The following SAFB2 variants were observed in gnomAD, a reference collection of about 807,000 sequenced individuals.
SAFB2 encodes scaffold attachment factor B2.
A neutral mutation model predicts 100.6 loss-of-function variants in SAFB2; 32 were observed. That is an observed-to-expected ratio of 0.32 (90% confidence interval 0.24 to 0.43). The LOEUF (loss-of-function observed/expected upper bound fraction) is 0.43, where lower values mean the gene tolerates loss of function less well. SAFB2 is among the 20% of genes least tolerant of loss of function. The pLI is 1.00. For missense variants in SAFB2, 1,185 were observed against 1,163.4 expected, an observed-to-expected ratio of 1.02 and a Z score of -0.27; for synonymous variants, 500 against 439.4, an observed-to-expected ratio of 1.14 and a Z score of -1.72.
intron 11 of SAFB2, among the ~76,000 whole-genome samples, chr19:5,603,610 C>G (rs1381043309): frequency 6.6e-6 from 1 of 152,202 alleles, no homozygotes; most frequent in Non-Finnish European, 1.5e-5. Context: ...CCATGGTTCC[C>G]AACTACTACG....
intron 15 of SAFB2, chr19:5,593,661 C>G (rs932782833): frequency 8.8e-6 from 4 of 454,074 alleles, no homozygotes; most frequent in Non-Finnish European, 1.5e-5. Flanking sequence ...TCAAGTTTCC[C>G]AGAATAACTC....
intron 8 of SAFB2, chr19:5,610,373 T>A (rs2052882897): frequency 1.7e-6 from 1 of 585,394 alleles, no homozygotes; most frequent in Admixed American, 3.1e-5. Flanking sequence ...GTCTCTAAAA[T>A]CCTTGAAACA....
intron 2 of SAFB2, among the ~76,000 whole-genome samples, chr19:5,620,644 G>C (rs1232675842): frequency 6.6e-6 from 1 of 152,220 alleles, no homozygotes; most frequent in Non-Finnish European, 1.5e-5. Flanking sequence ...ACAGAACATG[G>C]ATTAGTAGTT....
chr19:5,588,845 G>A (rs931671675), intron 18 of SAFB2: 6 of 152,270 alleles, frequency 3.9e-5, no homozygotes, highest in South Asian at 2.1e-4. Flanking sequence ...CACGTGAAAC[G>A]GGAAGTGTGT....
intron 18 of SAFB2, among the ~76,000 whole-genome samples, chr19:5,589,389 A>C (rs1442044542): frequency 6.6e-6 from 1 of 152,062 alleles, no homozygotes; most frequent in Non-Finnish European, 1.5e-5. Flanking sequence ...GCACCGAGTC[A>C]AAGTCCCTGG....
intron 14 of SAFB2, among the ~76,000 whole-genome samples, chr19:5,594,705 A>T (rs1356803073): frequency 6.6e-6 from 1 of 152,144 alleles, no homozygotes; most frequent in Admixed American, 6.5e-5. Context: ...GTCCAACATC[A>T]GAGGAGGGGC....
intron 4 of SAFB2, among the ~76,000 whole-genome samples, chr19:5,615,828 C>T (rs1354989096): frequency 6.6e-6 from 1 of 152,216 alleles, no homozygotes; most frequent in Non-Finnish European, 1.5e-5. Flanking sequence ...AGTTCAAGAC[C>T]GGCCTGGGTA....
At position 5,595,460 on chromosome 19, in the gene SAFB2, T is replaced by G. The variant is rs768793262; in HGVS notation, c.1820A>C (p.Glu607Ala). Reference sequence around the variant, plus strand: ...ATCAAACGACAAGATGTCTCTCTTTTCTTTGCTTTCTGACTTGCGATCCTG... The same window carrying G: ...ATCAAACGACAAGATGTCTCTCTTTGCTTTGCTTTCTGACTTGCGATCCTG... Reference protein sequence around the residue: ...KSQDRKSESKEKRDILSFDKI... With the variant: ...KSQDRKSESKAKRDILSFDKI... The change falls in exon 14 of 21, where the codon GAA becomes GCA. Residue 607 changes from glutamate to alanine, a missense_variant. By Grantham distance (107) the Glu-to-Ala change is moderately radical. Coordinates refer to ENST00000252542, the MANE Select transcript of SAFB2 (RefSeq NM_014649.3). The G allele has an allele frequency of 6.2e-6, 10 of 1,613,864 alleles. No individual in the cohort carries two copies. Among genetic ancestry groups the G allele is most frequent in the Non-Finnish European group, 7.6e-6 (9 of 1,180,026 alleles).
intron 6 of SAFB2, chr19:5,612,058 C>T (rs1444774191): frequency 1.5e-5 from 5 of 341,108 alleles, no homozygotes; most frequent in South Asian, 2.7e-5. Context: ...TCTCTTCTGA[C>T]GGTGGGAGAT....
intron 13 of SAFB2, among the ~76,000 whole-genome samples, chr19:5,598,205 C>T (rs1320600231): frequency 6.6e-6 from 1 of 151,326 alleles, no homozygotes; most frequent in Non-Finnish European, 1.5e-5. Flanking sequence ...GTGAACTCCA[C>T]ATTCGTTAAA....
rs1216454734 is a variant in SAFB2 at position 5,616,470 on chromosome 19, C to A, written c.291G>T (p.Glu97Asp). 6.2e-7 allele frequency: 1 copy of A among 1,613,742 alleles called. No individual in the cohort carries two copies. Among genetic ancestry groups the A allele is most frequent in the African/African-American group, 1.3e-5 (1 of 74,872 alleles). ...CCAGGCCATTATCTTCTGTGCCTTC[C>A]TCCTCCATCTTCAGTCCTAATTACA... Reference protein sequence around the residue: ...KRCVKGLKMEEEGTEDNGLED... With the variant: ...KRCVKGLKMEDEGTEDNGLED... Residue 97 changes from glutamate (E) to aspartate (D), a missense_variant, in exon 3 of 21, where the codon GAG (glutamate) becomes GAT (aspartate). By Grantham distance (45) the Glu-to-Asp change is conservative (BLOSUM62 2). Transcript: ENST00000252542.
chr19:5,587,050 C>A lies in SAFB2; in HGVS notation c.*193G>T, dbSNP rs544872885. 9.3e-6 allele frequency: 7 copies of A among 754,256 alleles called. No individual in the cohort carries two copies. The South Asian group carries it at 1.1e-4, about 11-fold the overall frequency. The allele number at this position is 754,256 out of a possible 1,614,324, so 46.7% of individuals were successfully genotyped here. A position where few individuals can be genotyped will look rare whatever the true frequency, so the allele number is the denominator to read the frequency against. ...AAATGGAATGCCTCGTTAACAGAAACCTTGATTTAAAAATGGCAGAACAAG... is the reference window on the plus strand; with the variant it reads ...AAATGGAATGCCTCGTTAACAGAAAACTTGATTTAAAAATGGCAGAACAAG... On this transcript the variant is annotated 3_prime_UTR_variant, in exon 21 of 21. Transcript: ENST00000252542. The surrounding 1 kb of genome is among the most constrained non-coding windows in gnomAD (Gnocchi z 4.9).
chr19:5,594,057 G>A lies in SAFB2; in HGVS notation c.2041C>T (p.Arg681Cys), dbSNP rs1045575184. The A allele has an allele frequency of 6.3e-7, 1 of 1,587,186 alleles. No homozygotes were observed. Among genetic ancestry groups the A allele is most frequent in the Admixed American group, 1.7e-5 (1 of 57,334 alleles). Residue 681 changes from arginine to cysteine, a missense_variant, in exon 15 of 21, where the codon CGC becomes TGC. Around this residue, in one of 3 missense-constraint regions of SAFB2, gnomAD observed 740 missense variants for 687.1 expected, o/e 1.08. Coordinates refer to ENST00000252542, the MANE Select transcript of SAFB2 (RefSeq NM_014649.3). Reference sequence around the variant, plus strand: ...CGCTCCAGCCGCTCCCGCTCCATGCGCTCCCGCTCCAGCCGCTGGCGCTGG... The same window carrying A: ...CGCTCCAGCCGCTCCCGCTCCATGCACTCCCGCTCCAGCCGCTGGCGCTGG... ...ECQRQRLERE[R>C]MERERLERER...
chr19:5,590,363 G>T lies in SAFB2; in HGVS notation c.2440C>A (p.His814Asn), dbSNP rs1356224643. The T allele has an allele frequency of 1.4e-5, 23 of 1,611,856 alleles. No individual in the cohort carries two copies. Among genetic ancestry groups the T allele is most frequent in the South Asian group, 4.4e-5 (4 of 90,532 alleles). Reference protein sequence around the residue: ...RHGHGGPPERHGRDSRDGWGG... With the variant: ...RHGHGGPPERNGRDSRDGWGG... ...CAGCCATCACGGGAGTCCCGGCCGT[G>T]GCGCTCTGGGGGTCCTCCGTGGCCA... The change falls in exon 18 of 21, where the codon CAC becomes AAC. Residue 814 changes from histidine (H) to asparagine (N), a missense_variant. Physicochemically the swap from His to Asn is moderately conservative, Grantham distance 68 (BLOSUM62 1). Coordinates refer to ENST00000252542, the MANE Select transcript of SAFB2 (RefSeq NM_014649.3).
intron 14 of SAFB2, 35 bp from the exon 15 acceptor site, chr19:5,594,213 G>A (rs1326723610): frequency 6.5e-7 from 1 of 1,527,414 alleles, no homozygotes; most frequent in Non-Finnish European, 8.7e-7. Flanking sequence ...TGAACTCCCT[G>A]CGTGAGCCTC....
chr19:5,614,901 C>T (rs1446570650), intron 4 of SAFB2, among the ~76,000 whole-genome samples: 2 of 152,204 alleles, frequency 1.3e-5, no homozygotes, highest in African/African-American at 4.8e-5. Flanking sequence ...AATGTAACTG[C>T]TTAACCTTGC....
Position 5,598,859 on chromosome 19 carries a change from G to A in SAFB2, c.1716C>T (p.Val572=), listed in dbSNP as rs149716077. ...GCTCTCCTTTCGATTTATCCATCACGACCGTCCGCTCCATTCCTCTGCTTC... is the reference window on the plus strand; with the variant it reads ...GCTCTCCTTTCGATTTATCCATCACAACCGTCCGCTCCATTCCTCTGCTTC... ...KSGSRGMERT[V]VMDKSKGEPV... is the part of the protein sequence containing the mutation. Residue 572 remains valine (V), a synonymous_variant, in exon 13 of 21, where the codon GTC becomes GTT. Transcript: ENST00000252542. 4.3e-6 allele frequency: 7 copies of A among 1,613,974 alleles called. No homozygotes were observed. The highest frequency in any genetic ancestry group is 2.2e-5 in the East Asian group (1 of 44,878).
At chr19:5,619,915 A>G (rs1599285252) in intron 2 of SAFB2, among the ~76,000 whole-genome samples, 1 of 152,204 alleles carries the variant, frequency 6.6e-6, no homozygotes, top group African/African-American at 2.4e-5. Context: ...TAAGTCTTGA[A>G]CTTTACAGTT....
intron 9 of SAFB2, among the ~76,000 whole-genome samples, chr19:5,605,314 AG>A (rs1307567512): frequency 1.3e-5 from 2 of 152,150 alleles, no homozygotes; most frequent in African/African-American, 4.8e-5. Flanking sequence ...CATGTTGGCC[AG>A]GCTGGTCTCC....
Sources: gnomAD v4.1 joint callset for allele counts (sites outside exome capture counted in the v4.1 genomes callset) on GRCh38, gnomAD v4.1.1 for gene constraint, gnomAD v4.1.1 regional missense constraint, Gnocchi (gnomAD v3.1) non-coding constraint, MANE v1.5 for transcripts, NCBI Gene and HGNC (gene_info 2026-07-23, HGNC 2026-07-21) for gene names.